Variants in SH2D5 observed in about 807,000 individuals in gnomAD.
SH2D5 encodes SH2 domain containing 5.
Under a neutral mutation model 48.2 loss-of-function variants are expected in SH2D5, and 45 were observed. The ratio of observed to expected loss-of-function variants is 0.93; its 90% CI spans 0.73 to 1.20. SH2D5 has a LOEUF of 1.20. Ranked by LOEUF, SH2D5 falls within the 50% of genes most tolerant of loss-of-function variation. The pLI, the probability that SH2D5 is intolerant of heterozygous loss-of-function variation, is 0.00. For missense variants in SH2D5, 538 were observed against 584.1 expected (o/e 0.92, Z 0.81); for synonymous variants, 230 against 249.8 (o/e 0.92, Z 0.75).
Position 20,727,055 on chromosome 1 carries a change from G to A in SH2D5, c.189C>T (p.Ala63=), listed in dbSNP as rs374527008. 1.9e-4 allele frequency: 301 copies of A among 1,611,932 alleles called. 1 individual carries two copies. The highest frequency in any genetic ancestry group is 2.2e-4 in the East Asian group (10 of 44,870). ...CCTGAAGGCTGAATTTCAGGATGAC[G>A]GCCCGGCGTCGGGGACAGTCCTGGG... is the stretch of plus-strand genomic sequence containing the variant. ...WALKDCPRRR[A]VILKFSLQGL... The change falls in exon 4 of 10, where the codon GCC becomes GCT. Residue 63 remains alanine (A), a synonymous_variant. Coordinates refer to ENST00000444387, the MANE Select transcript of SH2D5 (RefSeq NM_001103161.2).
Position 20,732,200 on chromosome 1 carries a change from C to T in SH2D5, c.-62G>A, listed in dbSNP as rs1421595011. On this transcript the variant is annotated 5_prime_UTR_variant, in exon 1 of 10. Coordinates refer to ENST00000444387, the MANE Select transcript of SH2D5 (RefSeq NM_001103161.2). This position sits in a 1 kb window ranked among gnomAD's most constrained non-coding sequence, Gnocchi z 5.1. Reference sequence around the variant, plus strand: ...ACTCACCAATCGGCGCCCGCGGAGCCGCTCCGCTCGGCCGCACCACCCAAT... The same window carrying T: ...ACTCACCAATCGGCGCCCGCGGAGCTGCTCCGCTCGGCCGCACCACCCAAT... The T allele has an allele frequency of 6.6e-6, 1 of 152,100 alleles. No homozygotes were observed. The highest frequency in any genetic ancestry group is 1.5e-5 in the Non-Finnish European group (1 of 68,022). 9.4% of individuals were successfully genotyped at this position (152,100 alleles called of 1,614,324 possible).
At chr1:20,722,171 G>A (rs567692452) in intron 9 of SH2D5, among the ~76,000 whole-genome samples, 176 bp from the exon 10 acceptor site, 1 of 152,324 alleles carries the variant, frequency 6.6e-6, no homozygotes, top group East Asian at 1.9e-4. Context: ...TTCCCAGCCT[G>A]GATAGGAATG....
Position 20,725,915 on chromosome 1 carries a change from G to A in SH2D5, c.390+5C>T, listed in dbSNP as rs2154538555. 1 of 1,612,984 alleles carries A rather than the reference G, an allele frequency of 6.2e-7. No individual in the cohort carries two copies. Among genetic ancestry groups the A allele is most frequent in the Non-Finnish European group, 8.5e-7 (1 of 1,179,858 alleles). On this transcript the variant is annotated splice_donor_5th_base_variant and intron_variant, in intron 5 of 9. Coordinates refer to ENST00000444387, the MANE Select transcript of SH2D5 (RefSeq NM_001103161.2). ...TGGCGGTCCCCTGCCTCAAGCCCCA[G>A]ATACCTCTCCTGGCTGGCTGCCCAC...
chr1:20,723,839 C>G, intron 7 of SH2D5, 105 bp from the exon 8 acceptor site: 2 of 1,056,148 alleles, frequency 1.9e-6, no homozygotes, highest in Non-Finnish European at 2.8e-6. Flanking sequence ...AGCCTCTCTA[C>G]CCTGCTCAGC....
rs913341851 is a variant in SH2D5 at position 20,732,148 on chromosome 1, G to A, written c.-43+33C>T. On this transcript the variant is annotated intron_variant, in intron 1 of 9. Coordinates refer to ENST00000444387, the MANE Select transcript of SH2D5 (RefSeq NM_001103161.2). This position sits in a 1 kb window ranked among gnomAD's most constrained non-coding sequence, Gnocchi z 5.1. The stretch of plus-strand genomic sequence containing the variant: ...ACGTGGCCGCGGGAACCGACCCCCG[G>A]ATCACCTGGCGGCGGCGACCCGCCT... 6.6e-6 allele frequency: 1 copy of A among 151,840 alleles called. No individual in the cohort carries two copies. The highest frequency in any genetic ancestry group is 1.5e-5 in the Non-Finnish European group (1 of 67,916). The allele number at this position is 151,840 out of a possible 1,614,324, so 9.4% of individuals were successfully genotyped here.
In SH2D5 at chr1:20,724,382, G is replaced by A; in HGVS notation, c.630+14C>T. On this transcript the variant is annotated intron_variant, in intron 6 of 9. Coordinates refer to ENST00000444387, the MANE Select transcript of SH2D5 (RefSeq NM_001103161.2). The stretch of plus-strand genomic sequence containing the variant: ...CTTGTCCACTGCCCACTCCTTGGCT[G>A]GGGTGCTGCGTACCCCACTGCCCAC... 6.2e-7 allele frequency: 1 copy of A among 1,611,064 alleles called. No individual in the cohort carries two copies. Among genetic ancestry groups the A allele is most frequent in the Non-Finnish European group, 8.5e-7 (1 of 1,178,794 alleles).
intron 9 of SH2D5, among the ~76,000 whole-genome samples, chr1:20,722,456 TGACCAGGCACCTC>T (rs2054705338): frequency 6.6e-6 from 1 of 152,140 alleles, no homozygotes; most frequent in Admixed American, 6.5e-5. Context: ...GGGTCCTCGG[TGACCAGGCACCTC>T]CCTTCCCCTC....
intron 1 of SH2D5, among the ~76,000 whole-genome samples, chr1:20,730,186 G>A (rs553222748): frequency 1.3e-5 from 2 of 152,184 alleles, no homozygotes; most frequent in African/African-American, 2.4e-5. Context: ...GGGAAGGTAC[G>A]GACGATGGAG....
Position 20,721,660 on chromosome 1 carries a change from C to A in SH2D5, c.*132G>T. ...GGCTCCCCTCCCACGGACAGTGACG[C>A]GATGGAAGACTGCTCCAAGGGCAGG... On this transcript the variant is annotated 3_prime_UTR_variant, in exon 10 of 10. Transcript: ENST00000444387. 1 of 836,162 alleles carries A rather than the reference C, an allele frequency of 1.2e-6. No individual in the cohort carries two copies. Among genetic ancestry groups the A allele is most frequent in the Non-Finnish European group, 1.8e-6 (1 of 564,216 alleles). 51.8% of individuals were successfully genotyped at this position (836,162 alleles called of 1,614,324 possible). A position where few individuals can be genotyped will look rare whatever the true frequency, so the allele number is the denominator to read the frequency against.
intron 4 of SH2D5, 78 bp downstream of exon 4, chr1:20,726,923 A>T: frequency 5.5e-6 from 7 of 1,269,804 alleles, no homozygotes; most frequent in Non-Finnish European, 7.6e-6. Context: ...GCCAGGACCT[A>T]GGCAGAGGAG....
intron 7 of SH2D5, 77 bp from the exon 8 acceptor site, chr1:20,723,811 A>T: frequency 1.6e-6 from 2 of 1,251,906 alleles, no homozygotes; most frequent in Non-Finnish European, 1.1e-6. Flanking sequence ...CTCATCACCC[A>T]GGGTGGTGTC....
At chr1:20,722,330 T>A (rs1330325519) in intron 9 of SH2D5, among the ~76,000 whole-genome samples, 13 of 152,176 alleles carry the variant, frequency 8.5e-5, no homozygotes, top group Non-Finnish European at 2.9e-5. Flanking sequence ...GTCAGTTTCC[T>A]CCTCTGCTAA....
In SH2D5 at chr1:20,732,382, GC is replaced by G. The variant is rs1243688225; in HGVS notation, c.-245del. ...GGGTCCCTCCTCCTGGAGGGCCTCTGCCCCTCCCCTCTCTGGCTGGCTCCTC... is the reference window on the plus strand; with the variant it reads ...GGGTCCCTCCTCCTGGAGGGCCTCTGCCCTCCCCTCTCTGGCTGGCTCCTC... On this transcript the variant is annotated 5_prime_UTR_variant, in exon 1 of 10. An upstream open reading frame in the 5' UTR loses its in-frame stop. Transcript: ENST00000444387. This position sits in a 1 kb window ranked among gnomAD's most constrained non-coding sequence, Gnocchi z 5.1. 6.6e-6 allele frequency: 1 copy of G among 152,298 alleles called. No individual in the cohort carries two copies. Among genetic ancestry groups the G allele is most frequent in the Admixed American group, 6.5e-5 (1 of 15,284 alleles). The allele number at this position is 152,298 out of a possible 1,614,324, so 9.4% of individuals were successfully genotyped here.
chr1:20,721,673 C>T lies in SH2D5; in HGVS notation c.*119G>A. The T allele has an allele frequency of 1.0e-6, 1 of 983,328 alleles. No individual in the cohort carries two copies. Among genetic ancestry groups the T allele is most frequent in the Non-Finnish European group, 1.4e-6 (1 of 690,108 alleles). 60.9% of individuals were successfully genotyped at this position (983,328 alleles called of 1,614,324 possible). A position where few individuals can be genotyped will look rare whatever the true frequency, so the allele number is the denominator to read the frequency against. ...CGGACAGTGACGCGATGGAAGACTG[C>T]TCCAAGGGCAGGGTGACTGGATGGA... On this transcript the variant is annotated 3_prime_UTR_variant, in exon 10 of 10. Transcript: ENST00000444387.
Position 20,722,893 on chromosome 1 carries a change from G to T in SH2D5, c.931C>A (p.Arg311=). The part of the protein sequence containing the change: ...ISRPCALALL[R]RDVLGAFLLW... ...AGGAAGGCCCCCAGCACGTCTCTCC[G>T]CAACAGGGCCAGGGCACAGGGCCTA... is the stretch of plus-strand genomic sequence containing the variant. The change falls in exon 9 of 10, where the codon CGG becomes AGG. Residue 311 remains arginine (R), a synonymous_variant. Transcript: ENST00000444387. 2 of 1,600,150 alleles carry T rather than the reference G, an allele frequency of 1.2e-6. No homozygotes were observed. Among genetic ancestry groups the T allele is most frequent in the Non-Finnish European group, 8.5e-7 (1 of 1,173,738 alleles).
chr1:20,723,167 T>G (rs1431053517), intron 8 of SH2D5, among the ~76,000 whole-genome samples: 1 of 152,188 alleles, frequency 6.6e-6, no homozygotes, highest in Non-Finnish European at 1.5e-5. Flanking sequence ...GGTGACAGAA[T>G]GAGACCCTGT....
rs893013525 is a variant in SH2D5, at chr1:20,721,615, T to A, written c.*177A>T. 1.1e-5 allele frequency: 6 copies of A among 563,076 alleles called. No homozygotes were observed. The African/African-American group carries it at 1.1e-4, about 11-fold the overall frequency. The allele number at this position is 563,076 out of a possible 1,614,324, so 34.9% of individuals were successfully genotyped here. ...AGGCCACATGTTCTCCAAGAAGCCATTGGCGATACCCACCCTCAGGGCTCC... is the reference window on the plus strand; with the variant it reads ...AGGCCACATGTTCTCCAAGAAGCCAATGGCGATACCCACCCTCAGGGCTCC... On this transcript the variant is annotated 3_prime_UTR_variant, in exon 10 of 10. Coordinates refer to ENST00000444387, the MANE Select transcript of SH2D5 (RefSeq NM_001103161.2).
At position 20,723,844 on chromosome 1, in the gene SH2D5, C is replaced by G. The variant is rs1570503534; in HGVS notation, c.800-110G>C. The G allele has an allele frequency of 6.3e-5, 65 of 1,026,956 alleles. 2 individuals carry two copies. The South Asian group carries it at 9.4e-4, about 15-fold the overall frequency. The allele number at this position is 1,026,956 out of a possible 1,614,324, so 63.6% of individuals were successfully genotyped here. ...GTCCTCCCCAAGCCTCTCTACCCTG[C>G]TCAGCAGACATATCTGCACACGGGC... On this transcript the variant is annotated intron_variant, in intron 7 of 9. Coordinates refer to ENST00000444387, the MANE Select transcript of SH2D5 (RefSeq NM_001103161.2).
At chr1:20,725,769 G>T in intron 5 of SH2D5, 151 bp downstream of exon 5, 1 of 963,030 alleles carries the variant, frequency 1.0e-6, no homozygotes, top group Non-Finnish European at 1.5e-6. Context: ...TCCTCAGTGG[G>T]AAGAGCCACA....
Sources: allele counts gnomAD v4.1 joint callset (sites outside exome capture counted in the v4.1 genomes callset), GRCh38; gene constraint gnomAD v4.1.1; non-coding constraint Gnocchi (gnomAD v3.1); transcripts MANE v1.5; gene names NCBI Gene and HGNC (gene_info 2026-07-23, HGNC 2026-07-21).